The following ART3 variants were observed in gnomAD, a reference collection of about 807,000 sequenced individuals.
ART3 encodes the protein ecto-ADP-ribosyltransferase 3.
ART3 carries 49 observed loss-of-function variants against 48.5 expected under a neutral mutation model. The ratio of observed to expected loss-of-function variants is 1.01; its 90% CI spans 0.80 to 1.28. The LOEUF (loss-of-function observed/expected upper bound fraction) is 1.28, where lower values mean the gene tolerates loss of function less well. ART3 is among the 50% of genes most tolerant of loss of function. The probability of loss-of-function intolerance (pLI) is 0.00; values close to 1 mark genes in which losing one functional copy is unlikely to be tolerated. For synonymous variants in ART3, 145 were observed against 157.2 expected (o/e 0.92, Z 0.58); for missense variants, 438 against 454.3 (o/e 0.96, Z 0.33).
At chr4:76,081,270 T>C (rs1166876710) in intron 2 of ART3, among the ~76,000 whole-genome samples, 1 of 152,170 alleles carries the variant, frequency 6.6e-6, no homozygotes, top group Non-Finnish European at 1.5e-5. Flanking sequence ...GGAAGAAAGA[T>C]CCATTTTTTT....
intron 1 of ART3, among the ~76,000 whole-genome samples, chr4:76,052,911 T>C (rs1379849016): frequency 6.6e-6 from 1 of 152,032 alleles, no homozygotes; most frequent in Non-Finnish European, 1.5e-5. Flanking sequence ...GTATTTTTAG[T>C]AGAGACGGGG....
rs1475898905 is a variant in ART3, at chr4:76,082,236, T to C, written c.482T>C (p.Val161Ala). 6.2e-7 allele frequency: 1 copy of C among 1,614,124 alleles called. No homozygotes were observed. Reference sequence around the variant, plus strand: ...TGTGAGGCCAGTTCCAAAACTGTGGTATATAGAACAAGCCAGGGCACTTCA... The same window carrying C: ...TGTGAGGCCAGTTCCAAAACTGTGGCATATAGAACAAGCCAGGGCACTTCA... The part of the protein sequence containing the change: ...KPCEASSKTV[V>A]YRTSQGTSFT... The change falls in exon 3 of 12, where the codon GTA becomes GCA. Residue 161 changes from valine (V) to alanine (A), a missense_variant. Val to Ala is a moderately conservative substitution (Grantham distance 64, BLOSUM62 0). This residue lies in a region of ART3 where 206 missense variants were observed against 205.3 expected (regional missense o/e 1.00). Coordinates refer to ENST00000355810, the MANE Select transcript of ART3 (RefSeq NM_001130016.3).
intron 1 of ART3, among the ~76,000 whole-genome samples, chr4:76,035,551 G>T (rs1734309242): frequency 1.3e-5 from 2 of 152,178 alleles, no homozygotes; most frequent in Admixed American, 1.3e-4. Context: ...CTAACAAATG[G>T]GAAGCATGAA....
chr4:76,040,556 G>C (rs904523899), intron 1 of ART3, among the ~76,000 whole-genome samples: 2 of 126,628 alleles, frequency 1.6e-5, no homozygotes, highest in Non-Finnish European at 3.1e-5. Context: ...GGACTATATA[G>C]ATACTTCAGA....
Position 76,047,131 on chromosome 4 carries a change from G to C in ART3, c.-9-28750G>C, listed in dbSNP as rs1735588190. 2.6e-5 allele frequency among the ~76,000 whole-genome samples: 4 copies of C among 152,042 alleles called. No individual in the cohort carries two copies. The South Asian group carries it at 8.3e-4, about 32-fold the overall frequency. On this transcript the variant is annotated intron_variant, in intron 1 of 9. Transcript: ENST00000341029. ...CTCAGCATAGTGGACATGGACGAGG[G>C]GGCAGCTTGTTTCTCATTGGACAAT...
In ART3 at chr4:76,112,562, C is replaced by T. The variant is rs375390060; in HGVS notation, c.*43C>T. The T allele has an allele frequency of 1.9e-6, 3 of 1,574,208 alleles. No individual in the cohort carries two copies. Among genetic ancestry groups the T allele is most frequent in the African/African-American group, 2.7e-5 (2 of 73,590 alleles). On this transcript the variant is annotated 3_prime_UTR_variant, in exon 12 of 12. Transcript: ENST00000355810. ...CTTTCTTATTCTTTACTTGAAATAA[C>T]TATAGGGATCCACAGGAGATCAAAA...
intron 1 of ART3, among the ~76,000 whole-genome samples, chr4:76,053,805 G>T (rs1319179667): frequency 6.6e-6 from 1 of 152,132 alleles, no homozygotes; most frequent in Non-Finnish European, 1.5e-5. Context: ...TCATTTGTAT[G>T]TATGTGAGCC....
At chr4:76,104,120 C>T (rs7682766) in intron 9 of ART3, 151 bp downstream of exon 9, 457,950 of 941,278 alleles carry the variant, frequency 0.49, 118,952 homozygotes, top group East Asian at 0.93. Flanking sequence ...GCTGGGGAAG[C>T]GTAGAGAAGT....
chr4:76,075,735 C>T lies in ART3; in HGVS notation c.-9-146C>T, dbSNP rs572887623. 243 of 601,358 alleles carry T rather than the reference C, an allele frequency of 4.0e-4. 3 individuals carry two copies. The highest frequency in any genetic ancestry group is 4.0e-3 in the South Asian group (159 of 39,708). The allele number at this position is 601,358 out of a possible 1,614,324, so 37.3% of individuals were successfully genotyped here. A position where few individuals can be genotyped will look rare whatever the true frequency, so the allele number is the denominator to read the frequency against. On this transcript the variant is annotated intron_variant, in intron 1 of 11. Transcript: ENST00000355810. ...ATAAAGCCTAATGGCTCTTGTAGCC[C>T]GTTAGGAATTTATTGATAATCACTT...
At chr4:76,027,211 C>T (rs1327356824) in intron 1 of ART3, among the ~76,000 whole-genome samples, 1 of 152,082 alleles carries the variant, frequency 6.6e-6, no homozygotes, top group Admixed American at 6.5e-5. Flanking sequence ...CGAGATCACG[C>T]CATTGCACTC....
At chr4:76,074,857 A>G (rs1227611876) in intron 1 of ART3, 38 bp downstream of exon 1, 1 of 152,210 alleles carries the variant, frequency 6.6e-6, no homozygotes, top group Non-Finnish European at 1.5e-5. Context: ...GACTAAAGAA[A>G]TGAACAATTT....
At chr4:76,059,455 T>A (rs1275040604) in intron 1 of ART3, among the ~76,000 whole-genome samples, 3 of 151,964 alleles carry the variant, frequency 2.0e-5, no homozygotes, top group African/African-American at 7.2e-5. Flanking sequence ...TGGAATTGAA[T>A]TTTTTAAAAA....
At chr4:76,077,298 G>A (rs955753736) in intron 2 of ART3, among the ~76,000 whole-genome samples, 7 of 152,096 alleles carry the variant, frequency 4.6e-5, no homozygotes, top group African/African-American at 1.7e-4. Context: ...TTTTGTGTCT[G>A]GCTTCTTTCA....
chr4:76,049,616 C>T (rs535780522), intron 1 of ART3, among the ~76,000 whole-genome samples: 5 of 142,610 alleles, frequency 3.5e-5, no homozygotes, highest in South Asian at 4.5e-4. Flanking sequence ...TTTAACTGGC[C>T]GACAGGTGCC....
chr4:76,032,248 C>G lies in ART3; in HGVS notation c.-10+20928C>G, dbSNP rs1178056773. 2.6e-5 allele frequency among the ~76,000 whole-genome samples: 4 copies of G among 151,010 alleles called. No homozygotes were observed. The East Asian group carries it at 5.8e-4, about 22-fold the overall frequency. On this transcript the variant is annotated intron_variant, in intron 1 of 9. Coordinates refer to the ART3 transcript ENST00000341029. ...TTTTTTTTTTGAGGCAGGCTTTTGC[C>G]CAGGCTGGAGTGCAGTGGTGTGATC...
Position 76,045,044 on chromosome 4 carries a change from G to A in ART3, c.-9-30837G>A, listed in dbSNP as rs187406873. On this transcript the variant is annotated intron_variant, in intron 1 of 9. Coordinates refer to the ART3 transcript ENST00000341029. The stretch of plus-strand genomic sequence containing the variant: ...TCCCTTTCCCAGTTCTAAGGCTCGG[G>A]TAAGTGCCACTAGTTCTGCTAACTG... 2.0e-4 allele frequency among the ~76,000 whole-genome samples: 31 copies of A among 152,206 alleles called. 1 individual carries two copies. The highest frequency in any genetic ancestry group is 4.3e-4 in the Non-Finnish European group (29 of 67,972).
At chr4:76,069,569 T>C (rs1720110553) in intron 1 of ART3, among the ~76,000 whole-genome samples, 2 of 151,832 alleles carry the variant, frequency 1.3e-5, no homozygotes, top group Admixed American at 6.6e-5. Context: ...TTTGTATTTT[T>C]AGTAGATACA....
chr4:76,056,494 GA>G (rs1718702675), intron 1 of ART3, among the ~76,000 whole-genome samples: 3 of 152,280 alleles, frequency 2.0e-5, no homozygotes, highest in Admixed American at 6.5e-5. Context: ...TAGGGGAAGA[GA>G]AAAAGAGTTG....
upstream of ART3, among the ~76,000 whole-genome samples, chr4:76,070,535 C>T (rs1438646977): frequency 6.6e-6 from 1 of 152,114 alleles, no homozygotes; most frequent in Non-Finnish European, 1.5e-5. Flanking sequence ...TCATTTTATC[C>T]TTGCTTGAAA....
Sources: gnomAD v4.1 joint callset for allele counts (sites outside exome capture counted in the v4.1 genomes callset) on GRCh38, gnomAD v4.1.1 for gene constraint, gnomAD v4.1.1 regional missense constraint, MANE v1.5 for transcripts, NCBI Gene and HGNC (gene_info 2026-07-23, HGNC 2026-07-21) for gene names.